The following KCNH1 variants were observed in gnomAD, a reference collection of about 807,000 sequenced individuals.
KCNH1 encodes voltage-gated delayed rectifier potassium channel KCNH1.
Under a neutral mutation model 69.2 loss-of-function variants are expected in KCNH1, and 27 were observed. The ratio of observed to expected loss-of-function variants is 0.39; its 90% CI spans 0.29 to 0.54. KCNH1 has a LOEUF of 0.54. Among genes scored for constraint, KCNH1 ranks in the 20% least tolerant of loss-of-function variants. The probability of loss-of-function intolerance (pLI) is 0.68; values close to 1 mark genes in which losing one functional copy is unlikely to be tolerated. For synonymous variants in KCNH1, 456 were observed against 487.7 expected, an observed-to-expected ratio of 0.93 and a Z score of 0.86; for missense variants, 798 against 1,261.6, an observed-to-expected ratio of 0.63 and a Z score of 5.57.
At chr1:210,838,482 C>T (rs183768236) in intron 7 of KCNH1, among the ~76,000 whole-genome samples, 3 of 152,118 alleles carry the variant, frequency 2.0e-5, no homozygotes, top group African/African-American at 7.2e-5. Context: ...AAAACCTAGG[C>T]AATACCATTC....
At chr1:210,739,651 T>A (rs1682968907) in intron 10 of KCNH1, among the ~76,000 whole-genome samples, 1 of 152,246 alleles carries the variant, frequency 6.6e-6, no homozygotes, top group Admixed American at 6.5e-5. Context: ...GTCTTAGTAG[T>A]CTGGCATGAA....
At chr1:210,890,656 G>A (rs1686727201) in intron 7 of KCNH1, among the ~76,000 whole-genome samples, 1 of 151,378 alleles carries the variant, frequency 6.6e-6, no homozygotes. Context: ...CTGACAAACG[G>A]ATAATACCCA....
chr1:210,781,615 C>T (rs1463605254), intron 9 of KCNH1, among the ~76,000 whole-genome samples: 1 of 152,136 alleles, frequency 6.6e-6, no homozygotes, highest in Non-Finnish European at 1.5e-5. Flanking sequence ...AGAATGTGTG[C>T]ATATTCACTG....
In KCNH1 at chr1:210,736,240, T is replaced by C. The variant is rs975445242; in HGVS notation, c.2112+39108A>G. On this transcript the variant is annotated intron_variant, in intron 10 of 10. Coordinates refer to ENST00000271751, the MANE Select transcript of KCNH1 (RefSeq NM_172362.3). The stretch of plus-strand genomic sequence containing the variant: ...ACTATTTTATCTCCTTTTTAAAAAC[T>C]TTAGATTTTTTTAAATGGGATGTTC... Among the ~76,000 whole-genome samples, 5 of 152,192 alleles carry C rather than the reference T, an allele frequency of 3.3e-5. No individual in the cohort carries two copies. In the East Asian group the frequency reaches 7.7e-4, roughly 24 times the overall value.
In KCNH1 at chr1:210,867,550, AC is replaced by A. The variant is rs528293489; in HGVS notation, c.1462+52089del. On this transcript the variant is annotated intron_variant, in intron 7 of 10. Transcript: ENST00000271751. Reference sequence around the variant, plus strand: ...TTTATTGAGGTATAATTTACATGTGACAAAGTACTCCCATTTCAGTTCATAG... The same window carrying A: ...TTTATTGAGGTATAATTTACATGTGAAAAGTACTCCCATTTCAGTTCATAG... Among the ~76,000 whole-genome samples, 6 of 152,136 alleles carry A rather than the reference AC, an allele frequency of 3.9e-5. No individual in the cohort carries two copies. The South Asian group carries it at 1.0e-3, about 26-fold the overall frequency.
At chr1:210,789,010 A>G (rs575336620) in intron 9 of KCNH1, among the ~76,000 whole-genome samples, 2 of 152,238 alleles carry the variant, frequency 1.3e-5, no homozygotes, top group Admixed American at 1.3e-4. Flanking sequence ...GCTTCTTTCT[A>G]AAAGTGCGGA....
chr1:211,012,559 C>T (rs1324962404), intron 6 of KCNH1, among the ~76,000 whole-genome samples: 1 of 152,136 alleles, frequency 6.6e-6, no homozygotes, highest in Non-Finnish European at 1.5e-5. Flanking sequence ...TGTGTGATTC[C>T]TATGTTATGA....
At chr1:211,053,817 T>C (rs1279872084) in intron 5 of KCNH1, among the ~76,000 whole-genome samples, 2 of 152,130 alleles carry the variant, frequency 1.3e-5, no homozygotes, top group East Asian at 3.9e-4. Flanking sequence ...CAGATAAGCT[T>C]ACCACAAGAG....
chr1:211,004,232 A>C (rs1689238246), intron 6 of KCNH1, among the ~76,000 whole-genome samples: 1 of 152,224 alleles, frequency 6.6e-6, no homozygotes, highest in South Asian at 2.1e-4. Context: ...CAGACTAAAT[A>C]AATGCTAAAG....
intron 7 of KCNH1, among the ~76,000 whole-genome samples, chr1:210,876,812 G>A (rs1296045246): frequency 3.3e-5 from 5 of 152,074 alleles, no homozygotes; most frequent in African/African-American, 7.2e-5. Context: ...TCATGGAAAC[G>A]CTTAGCACCC....
At chr1:211,095,961 T>C (rs1361096552) in intron 3 of KCNH1, among the ~76,000 whole-genome samples, 1 of 152,142 alleles carries the variant, frequency 6.6e-6, no homozygotes, top group Admixed American at 6.5e-5. Context: ...CATCAGCCTC[T>C]TCATTTGTAA....
intron 3 of KCNH1, among the ~76,000 whole-genome samples, chr1:211,099,026 T>C (rs1197635722): frequency 6.6e-6 from 1 of 152,194 alleles, no homozygotes; most frequent in African/African-American, 2.4e-5. Flanking sequence ...AAAATATATT[T>C]GTATAACAAT....
intron 10 of KCNH1, among the ~76,000 whole-genome samples, chr1:210,769,331 T>C (rs1318446155): frequency 6.6e-6 from 1 of 152,186 alleles, no homozygotes; most frequent in Non-Finnish European, 1.5e-5. Context: ...TTCTCCAGAA[T>C]AAAATGCTCT....
chr1:211,067,005 G>GA (rs112300379), intron 5 of KCNH1, among the ~76,000 whole-genome samples: 28,730 of 152,108 alleles, frequency 0.19, 2,989 homozygotes, highest in Non-Finnish European at 0.23. Context: ...TCCTCACGGG[G>GA]AAGGTTTCAG....
At chr1:210,810,116 A>C (rs1391857562) in intron 7 of KCNH1, among the ~76,000 whole-genome samples, 1 of 152,086 alleles carries the variant, frequency 6.6e-6, no homozygotes, top group Non-Finnish European at 1.5e-5. Context: ...TCTGAAAAAA[A>C]GGATATATGG....
chr1:210,821,575 A>G (rs1201879875), intron 7 of KCNH1, among the ~76,000 whole-genome samples: 1 of 152,136 alleles, frequency 6.6e-6, no homozygotes, highest in Non-Finnish European at 1.5e-5. Flanking sequence ...GGGTGAGCAC[A>G]TATTTGCTAC....
intron 6 of KCNH1, among the ~76,000 whole-genome samples, chr1:210,935,120 TCACACACACA>T (rs10588037): frequency 0.22 from 27,836 of 129,004 alleles, 3,452 homozygotes; most frequent in African/African-American, 0.32. Flanking sequence ...AAAGAAAATG[TCACACACACA>T]CACACACACA....
At chr1:210,784,129 G>C (rs927489069) in intron 9 of KCNH1, among the ~76,000 whole-genome samples, 5 of 152,228 alleles carry the variant, frequency 3.3e-5, no homozygotes, top group Non-Finnish European at 5.9e-5. Flanking sequence ...GCCAGGTTCA[G>C]GTGCCCAGCA....
chr1:211,001,906 A>G (rs1219912073), intron 6 of KCNH1, among the ~76,000 whole-genome samples: 3 of 152,032 alleles, frequency 2.0e-5, no homozygotes, highest in South Asian at 2.1e-4. Context: ...GCAAACTATC[A>G]CAAGGACAAA....
Sources: allele counts gnomAD v4.1 joint callset (sites outside exome capture counted in the v4.1 genomes callset), GRCh38; gene constraint gnomAD v4.1.1; transcripts MANE v1.5; gene names NCBI Gene and HGNC (gene_info 2026-07-23, HGNC 2026-07-21).